CRISPLD2: variants seen among roughly 807,000 people sequenced by gnomAD.
The protein encoded by CRISPLD2 is cysteine rich secretory protein LCCL domain containing 2.
A neutral mutation model predicts 71.1 loss-of-function variants in CRISPLD2; 47 were observed. The ratio of observed to expected loss-of-function variants is 0.66; its 90% CI spans 0.52 to 0.84. The LOEUF (loss-of-function observed/expected upper bound fraction) is 0.84. CRISPLD2 is among the 40% of genes least tolerant of loss of function. CRISPLD2 has a pLI of 0.00. For missense variants in CRISPLD2, 830 were observed against 651.1 expected (o/e 1.27, Z -2.99); for synonymous variants, 317 against 250.1 (o/e 1.27, Z -2.52).
rs1203623828 is a variant in CRISPLD2, at chr16:84,845,891, G to A, written c.346G>A (p.Ala116Thr). The A allele has an allele frequency of 1.1e-5, 17 of 1,610,642 alleles. No homozygotes were observed. The highest frequency in any genetic ancestry group is 5.3e-5 in the African/African-American group (4 of 74,868). ...LLVSIGQNLG[A>T]HWGRYRSPGF... ...GGTGTCCATCGGGCAGAACCTGGGC[G>A]CTCACTGGGGCAGGTAAGAGCCACA... The change falls in exon 3 of 15, where the codon GCT becomes ACT. Residue 116 changes from alanine to threonine, a missense_variant. Physicochemically the swap from Ala to Thr is moderately conservative, Grantham distance 58. Coordinates refer to ENST00000262424, the MANE Select transcript of CRISPLD2 (RefSeq NM_031476.4).
chr16:84,824,399 C>T (rs1486389045), intron 1 of CRISPLD2, among the ~76,000 whole-genome samples: 1 of 152,226 alleles, frequency 6.6e-6, no homozygotes, highest in Non-Finnish European at 1.5e-5. Flanking sequence ...CCAAAGTGTG[C>T]AGAGCCAATA....
intron 14 of CRISPLD2, 104 bp downstream of exon 14, chr16:84,889,467 C>A: frequency 8.0e-7 from 1 of 1,251,756 alleles, no homozygotes; most frequent in Non-Finnish European, 1.1e-6. Flanking sequence ...AAATAAAACT[C>A]GGGTAGACTT....
chr16:84,873,854 A>T (rs897651645), intron 10 of CRISPLD2, 66 bp from the exon 11 acceptor site: 1 of 1,436,008 alleles, frequency 7.0e-7, no homozygotes. Flanking sequence ...GCAAGCGTTC[A>T]CTTTTAGAAG....
chr16:84,882,371 A>AGAAAT (rs1555564970), intron 13 of CRISPLD2, among the ~76,000 whole-genome samples: 1,187 of 112,880 alleles, frequency 0.011, 88 homozygotes, highest in East Asian at 0.02. Context: ...AAAAAAAAAA[A>AGAAAT]GCAAGAACTT....
At chr16:84,824,003 C>G (rs551316306) in intron 1 of CRISPLD2, among the ~76,000 whole-genome samples, 1 of 152,176 alleles carries the variant, frequency 6.6e-6, no homozygotes, top group Admixed American at 6.5e-5. Context: ...CTCAACTGGA[C>G]CCCTCTAAGG....
chr16:84,859,340 T>C (rs1400575643), intron 6 of CRISPLD2, among the ~76,000 whole-genome samples: 1 of 152,202 alleles, frequency 6.6e-6, no homozygotes, highest in East Asian at 1.9e-4. Flanking sequence ...ACCACAGTGA[T>C]GTTTTGGGTC....
intron 1 of CRISPLD2, among the ~76,000 whole-genome samples, chr16:84,831,592 G>T (rs1916490387): frequency 6.6e-6 from 1 of 151,334 alleles, no homozygotes; most frequent in South Asian, 2.1e-4. Flanking sequence ...TTTTAGTAGA[G>T]ACAGGAGCTC....
chr16:84,894,935 CAG>C (rs887052905), intron 14 of CRISPLD2, among the ~76,000 whole-genome samples: 5 of 152,058 alleles, frequency 3.3e-5, no homozygotes, highest in East Asian at 1.9e-4. Flanking sequence ...TCCTGAGAAA[CAG>C]AAGATACTAA....
intron 6 of CRISPLD2, among the ~76,000 whole-genome samples, chr16:84,858,781 T>TA (rs1180519070): frequency 6.6e-6 from 1 of 152,264 alleles, no homozygotes; most frequent in Non-Finnish European, 1.5e-5. Flanking sequence ...TGGTGGGTCT[T>TA]ACGGACGTGA....
At chr16:84,850,721 G>C in intron 5 of CRISPLD2, 38 bp downstream of exon 5, 1 of 1,550,294 alleles carries the variant, frequency 6.5e-7, no homozygotes, top group African/African-American at 1.4e-5. Flanking sequence ...GGTGGGGGTT[G>C]GGATGTGTTT....
intron 14 of CRISPLD2, among the ~76,000 whole-genome samples, chr16:84,894,044 G>C (rs1458566666): frequency 1.3e-5 from 2 of 152,218 alleles, no homozygotes; most frequent in Non-Finnish European, 1.5e-5. Flanking sequence ...AGGATTCTCA[G>C]CACACGGGGC....
intron 1 of CRISPLD2, among the ~76,000 whole-genome samples, chr16:84,837,488 C>G (rs1376272350): frequency 6.7e-6 from 1 of 150,342 alleles, no homozygotes; most frequent in Non-Finnish European, 1.5e-5. Context: ...GCAATCTCGG[C>G]TCACTGCAAG....
chr16:84,836,551 G>T (rs1327891371), intron 1 of CRISPLD2: 4 of 152,164 alleles, frequency 2.6e-5, no homozygotes, highest in African/African-American at 9.7e-5. Context: ...GGTTATTTTT[G>T]TCTGAGGCGC....
intron 11 of CRISPLD2, among the ~76,000 whole-genome samples, chr16:84,875,596 G>A (rs776262689): frequency 2.5e-4 from 37 of 150,462 alleles, no homozygotes; most frequent in South Asian, 2.1e-4. Context: ...TCTCTCTGTC[G>A]CCCAGCCTGG....
At chr16:84,902,772 CTTT>C (rs757030374) in intron 14 of CRISPLD2, among the ~76,000 whole-genome samples, 1 of 85,952 alleles carries the variant, frequency 1.2e-5, no homozygotes, top group Non-Finnish European at 2.1e-5. Context: ...CGGCCCATTG[CTTT>C]TTTTTTTTTT....
At chr16:84,897,859 C>T (rs371214228) in intron 14 of CRISPLD2, among the ~76,000 whole-genome samples, 1 of 152,232 alleles carries the variant, frequency 6.6e-6, no homozygotes, top group Non-Finnish European at 1.5e-5. Flanking sequence ...TCAGGTGATC[C>T]GCCTGCCTTG....
At chr16:84,888,097 G>A (rs986688311) in intron 13 of CRISPLD2, among the ~76,000 whole-genome samples, 2 of 152,218 alleles carry the variant, frequency 1.3e-5, no homozygotes, top group Admixed American at 1.3e-4. Context: ...GAAGTCCAAT[G>A]TGGGTGTCAC....
intron 1 of CRISPLD2, among the ~76,000 whole-genome samples, chr16:84,824,387 C>T (rs757076452): frequency 3.3e-5 from 5 of 152,200 alleles, no homozygotes; most frequent in Admixed American, 2.0e-4. Flanking sequence ...GAACTGTGTC[C>T]TCCAAAGTGT....
chr16:84,856,837 C>G (rs1370831877), intron 6 of CRISPLD2, among the ~76,000 whole-genome samples: 1 of 152,196 alleles, frequency 6.6e-6, no homozygotes, highest in Non-Finnish European at 1.5e-5. Flanking sequence ...CACTGCCACA[C>G]TTTTTTAGCC....
Sources: gnomAD v4.1 joint callset for allele counts (sites outside exome capture counted in the v4.1 genomes callset) on GRCh38, gnomAD v4.1.1 for gene constraint, MANE v1.5 for transcripts, NCBI Gene and HGNC (gene_info 2026-07-23, HGNC 2026-07-21) for gene names.